SLTM: variants seen among roughly 807,000 people sequenced by gnomAD.
SLTM encodes SAFB like transcription modulator.
In SLTM, 43 loss-of-function variants were observed where a neutral mutation model predicts 134.6. The ratio of observed to expected loss-of-function variants is 0.32; its 90% confidence interval spans 0.25 to 0.41. SLTM has a LOEUF of 0.41. SLTM is among the 10% of genes least tolerant of loss of function. The pLI is 1.00. For synonymous variants in SLTM, 424 were observed against 432.3 expected, an observed-to-expected ratio of 0.98 and a Z score of 0.24; for missense variants, 1,055 against 1,288.8, an observed-to-expected ratio of 0.82 and a Z score of 2.78.
Position 58,899,111 on chromosome 15 carries a change from G to T in SLTM, c.1059-259C>A. The T allele has an allele frequency of 2.3e-6, 1 of 434,782 alleles. No homozygotes were observed. The highest frequency in any genetic ancestry group is 4.0e-5 in the East Asian group (1 of 25,010). 26.9% of individuals were successfully genotyped at this position (434,782 alleles called of 1,614,324 possible). A position where few individuals can be genotyped will look rare whatever the true frequency, so the allele number is the denominator to read the frequency against. On this transcript the variant is annotated intron_variant, in intron 7 of 20. Transcript: ENST00000380516. The surrounding 1 kb of genome is among the most constrained non-coding windows in gnomAD (Gnocchi z 5.0). ...CCATCTTCTCCAGATTTCAGGACTG[G>T]GACTTGACTTCATTTTGTGTTCTTA...
chr15:58,901,265 T>G lies in SLTM; in HGVS notation c.584A>C (p.Glu195Ala), dbSNP rs1475397724. 4 of 1,605,974 alleles carry G rather than the reference T, an allele frequency of 2.5e-6. No homozygotes were observed. Among genetic ancestry groups the G allele is most frequent in the Middle Eastern group, 1.7e-4 (1 of 6,060 alleles). The change falls in exon 6 of 21, where the codon GAG (glutamate) becomes GCG (alanine). Residue 195 changes from glutamate (E) to alanine (A), a missense_variant. Coordinates refer to ENST00000380516, the MANE Select transcript of SLTM (RefSeq NM_024755.4). ...TAQDGEEEEN[E>A]KDIAGSGDGT... ...AGCTCTAGCATCAAACATACCTTTC[T>G]CATTTTCTTCTTCCTCACCATCCTG...
At chr15:58,883,151 C>G (rs1391288294) in intron 20 of SLTM, among the ~76,000 whole-genome samples, 3 of 152,096 alleles carry the variant, frequency 2.0e-5, no homozygotes, top group Non-Finnish European at 4.4e-5. Context: ...CCTGTCTCTA[C>G]TAAAAATATA....
rs182771858 is a variant in SLTM at position 58,912,487 on chromosome 15, T to A, written c.561+76A>T. ...GACAGTTATATGAATTAAAGAATTA[T>A]GAAGTCAAAATAAGATTCCTTTTCC... On this transcript the variant is annotated intron_variant, in intron 5 of 20. Coordinates refer to ENST00000380516, the MANE Select transcript of SLTM (RefSeq NM_024755.4). 1.4e-4 allele frequency: 161 copies of A among 1,170,758 alleles called. No individual in the cohort carries two copies. The African/African-American group carries it at 2.1e-3, about 15-fold the overall frequency. The allele number at this position is 1,170,758 out of a possible 1,614,324, so 72.5% of individuals were successfully genotyped here.
At chr15:58,888,141 A>G (rs1313296423) in intron 17 of SLTM, among the ~76,000 whole-genome samples, 3 of 152,214 alleles carry the variant, frequency 2.0e-5, no homozygotes, top group Non-Finnish European at 2.9e-5. Flanking sequence ...AATCAGAATG[A>G]GACCCTGTCT....
intron 12 of SLTM, 151 bp downstream of exon 12, chr15:58,893,670 A>C (rs2034844384): frequency 3.8e-6 from 3 of 790,220 alleles, no homozygotes; most frequent in Non-Finnish European, 5.9e-6. Flanking sequence ...GTAGAAAAGA[A>C]GACAATTACT....
rs149127382 is a variant in SLTM, at chr15:58,913,623, C to T, written c.389G>A (p.Gly130Asp). 6.7e-4 allele frequency: 1,087 copies of T among 1,613,480 alleles called. 1 individual carries two copies. The highest frequency in any genetic ancestry group is 8.8e-4 in the Non-Finnish European group (1,038 of 1,179,844). Residue 130 changes from glycine (G) to aspartate (D), a missense_variant, in exon 4 of 21, where the codon GGT becomes GAT. By Grantham distance (94) the Gly-to-Asp change is moderately conservative. Around this residue, in one of 3 missense-constraint regions of SLTM, gnomAD observed 268 missense variants for 284.3 expected, o/e 0.94. Coordinates refer to ENST00000380516, the MANE Select transcript of SLTM (RefSeq NM_024755.4). The stretch of plus-strand genomic sequence containing the variant: ...ATGCACATTTTCTTCTTCATTTTCA[C>T]CAAATTCTTCAGAGTCCTTTAGTTC... ...NDELKDSEEF[G>D]ENEEENVHSK...
chr15:58,895,256 G>A (rs1006299544), intron 9 of SLTM, among the ~76,000 whole-genome samples: 1 of 152,136 alleles, frequency 6.6e-6, no homozygotes, highest in Non-Finnish European at 1.5e-5. Context: ...GTATTTTATT[G>A]ATGAGTGTTA....
At chr15:58,925,093 G>C (rs1489178869) in intron 2 of SLTM, among the ~76,000 whole-genome samples, 1 of 95,336 alleles carries the variant, frequency 1.0e-5, no homozygotes, top group Non-Finnish European at 2.3e-5. Flanking sequence ...AAAAAAAAAA[G>C]CTTAGTTATA....
chr15:58,898,750 A>T, intron 8 of SLTM, 53 bp downstream of exon 8: 1 of 1,397,296 alleles, frequency 7.2e-7, no homozygotes, highest in Non-Finnish European at 1.0e-6. Context: ...ACTACTTTTT[A>T]ATGAAAATAC....
intron 2 of SLTM, among the ~76,000 whole-genome samples, chr15:58,928,546 G>A (rs1383140684): frequency 6.6e-6 from 1 of 152,012 alleles, no homozygotes. Context: ...GTTTGTGCTT[G>A]TAATAGCTGC....
At chr15:58,910,478 T>C (rs187839724) in intron 5 of SLTM, among the ~76,000 whole-genome samples, 1 of 152,360 alleles carries the variant, frequency 6.6e-6, no homozygotes, top group Non-Finnish European at 1.5e-5. Flanking sequence ...TCTTGCTCCC[T>C]GATAAGAAAT....
chr15:58,887,695 A>C, intron 17 of SLTM, 155 bp from the exon 18 acceptor site: 2 of 936,578 alleles, frequency 2.1e-6, no homozygotes, highest in Non-Finnish European at 2.5e-6. Flanking sequence ...ATTACAACTC[A>C]TTTTCTTTTA....
chr15:58,930,788 T>C (rs1265819891), intron 2 of SLTM, among the ~76,000 whole-genome samples: 1 of 149,470 alleles, frequency 6.7e-6, no homozygotes, highest in African/African-American at 2.4e-5. Context: ...TATATATACC[T>C]GTCATAAAAT....
chr15:58,889,310 TC>T, intron 16 of SLTM, 119 bp downstream of exon 16: 1 of 1,306,952 alleles, frequency 7.7e-7, no homozygotes, highest in Non-Finnish European at 1.1e-6. Flanking sequence ...ATCCTTCCCA[TC>T]CCTGTTGATC....
chr15:58,919,380 A>C (rs2036865548), intron 2 of SLTM, among the ~76,000 whole-genome samples: 1 of 152,086 alleles, frequency 6.6e-6, no homozygotes, highest in African/African-American at 2.4e-5. Flanking sequence ...GAATCGCTTG[A>C]GCCCATGAGT....
In SLTM at chr15:58,879,865, A is replaced by G; in HGVS notation, c.*134T>C. The G allele has an allele frequency of 6.6e-6, 7 of 1,067,752 alleles. No homozygotes were observed. The highest frequency in any genetic ancestry group is 9.0e-6 in the Non-Finnish European group (7 of 777,650). 66.1% of individuals were successfully genotyped at this position (1,067,752 alleles called of 1,614,324 possible). On this transcript the variant is annotated 3_prime_UTR_variant, in exon 21 of 21. Transcript: ENST00000380516. The stretch of plus-strand genomic sequence containing the variant: ...ATCTTCTCCAAAATTGAGAAAAGCA[A>G]TCATGTTAAATTTTTAAAAAGAAAA...
At chr15:58,921,615 C>A (rs183735091) in intron 2 of SLTM, 2 of 437,282 alleles carry the variant, frequency 4.6e-6, no homozygotes, top group Non-Finnish European at 9.2e-6. Context: ...GATTGTCAAA[C>A]AGTGATGAAA....
chr15:58,902,389 GTTT>G (rs11380812), intron 5 of SLTM, among the ~76,000 whole-genome samples: 1 of 142,842 alleles, frequency 7.0e-6, no homozygotes, highest in East Asian at 2.0e-4. Flanking sequence ...TGTTTTGATT[GTTT>G]TTTTTTTTTT....
intron 2 of SLTM, among the ~76,000 whole-genome samples, chr15:58,928,689 A>G (rs2037653625): frequency 6.6e-6 from 1 of 152,102 alleles, no homozygotes; most frequent in African/African-American, 2.4e-5. Flanking sequence ...AATAAGCTCA[A>G]TGTTTCACCA....
Sources: gnomAD v4.1 joint callset for allele counts (sites outside exome capture counted in the v4.1 genomes callset) on GRCh38, gnomAD v4.1.1 for gene constraint, gnomAD v4.1.1 regional missense constraint, Gnocchi (gnomAD v3.1) non-coding constraint, MANE v1.5 for transcripts, NCBI Gene and HGNC (gene_info 2026-07-23, HGNC 2026-07-21) for gene names.